The following TSHR variants were observed in gnomAD, a reference collection of about 807,000 sequenced individuals.
TSHR encodes thyroid stimulating hormone receptor.
TSHR carries 51 observed loss-of-function variants against 64.1 expected under a neutral mutation model. The ratio of observed to expected loss-of-function variants is 0.80; its 90% confidence interval spans 0.64 to 1.01. The LOEUF (loss-of-function observed/expected upper bound fraction) is 1.01. Among genes scored for constraint, TSHR ranks in the 50% least tolerant of loss-of-function variants. The pLI, the probability that TSHR is intolerant of heterozygous loss-of-function variation, is 0.00. For synonymous variants in TSHR, 361 were observed against 361.9 expected (o/e 1.00, Z 0.03); for missense variants, 877 against 942.8 (o/e 0.93, Z 0.91).
intron 8 of TSHR, among the ~76,000 whole-genome samples, chr14:81,134,300 G>C (rs1161041078): frequency 6.6e-6 from 1 of 151,840 alleles, no homozygotes; most frequent in Non-Finnish European, 1.5e-5. Context: ...ACCATGCCCG[G>C]CTAATTTTGA....
intron 7 of TSHR, chr14:81,102,942 A>AT: frequency 1.0e-6 from 1 of 985,356 alleles, no homozygotes; most frequent in Non-Finnish European, 1.2e-6. Flanking sequence ...TTTAATCAGT[A>AT]TTTTGAATCC....
At chr14:80,987,034 T>C (rs556092355) in intron 1 of TSHR, among the ~76,000 whole-genome samples, 9 of 152,244 alleles carry the variant, frequency 5.9e-5, no homozygotes, top group African/African-American at 2.2e-4. Context: ...CCAACATTCA[T>C]GCACTATCGA....
chr14:81,037,329 GAA>G (rs143326671), intron 1 of TSHR, among the ~76,000 whole-genome samples: 40 of 135,514 alleles, frequency 3.0e-4, no homozygotes, highest in Non-Finnish European at 5.6e-4. Context: ...CAATGAAAAA[GAA>G]AAAAAAAATC....
Position 80,961,116 on chromosome 14 carries a change from T to G in TSHR, c.170+5266T>G, listed in dbSNP as rs191432915. ...ACGCAGAACTGGGTCCTTCTAATAT[T>G]CCACACAACAGGGGATTCCCCACTG... On this transcript the variant is annotated intron_variant, in intron 1 of 9. Transcript: ENST00000298171. 1.5e-4 allele frequency among the ~76,000 whole-genome samples: 23 copies of G among 152,324 alleles called. No homozygotes were observed. The East Asian group carries it at 3.9e-3, about 26-fold the overall frequency.
intron 1 of TSHR, among the ~76,000 whole-genome samples, chr14:81,002,736 T>C (rs1388220419): frequency 6.7e-6 from 1 of 148,486 alleles, no homozygotes; most frequent in Admixed American, 6.7e-5. Flanking sequence ...GCTATCCTAT[T>C]TCTCAACTCC....
At chr14:81,105,888 T>C (rs1486143170) in intron 7 of TSHR, among the ~76,000 whole-genome samples, 1 of 152,172 alleles carries the variant, frequency 6.6e-6, no homozygotes, top group African/African-American at 2.4e-5. Flanking sequence ...TGCAAGCCAG[T>C]GCAGCCCTTG....
At position 81,130,717 on chromosome 14, in the gene TSHR, C is replaced by T. The variant is rs1366332472; in HGVS notation, c.693-8962C>T. 4.4e-5 allele frequency among the ~76,000 whole-genome samples: 4 copies of T among 90,970 alleles called. No individual in the cohort carries two copies. The East Asian group carries it at 1.4e-3, about 31-fold the overall frequency. The allele number at this position is 90,970 out of a possible 152,430, so 59.7% of individuals were successfully genotyped here. A position where few individuals can be genotyped will look rare whatever the true frequency, so the allele number is the denominator to read the frequency against. ...CTTATAAAACACTGCTTGGGCCGGG[C>T]GCGGTGGCTCACGCCTGTAATCCCA... On this transcript the variant is annotated intron_variant, in intron 8 of 9. Coordinates refer to ENST00000298171, the MANE Select transcript of TSHR (RefSeq NM_000369.5).
chr14:81,090,456 G>C (rs1160677533), intron 4 of TSHR, among the ~76,000 whole-genome samples: 1 of 152,196 alleles, frequency 6.6e-6, no homozygotes, highest in African/African-American at 2.4e-5. Flanking sequence ...TGTTAGGCTA[G>C]TCTTGAATTC....
At chr14:80,971,884 T>C (rs1452135269) in intron 1 of TSHR, among the ~76,000 whole-genome samples, 1 of 150,378 alleles carries the variant, frequency 6.6e-6, no homozygotes, top group African/African-American at 2.4e-5. Context: ...TGTAGTGGTA[T>C]ACACTTTCCC....
chr14:80,984,138 G>A (rs1888317586), intron 1 of TSHR, among the ~76,000 whole-genome samples: 1 of 152,094 alleles, frequency 6.6e-6, no homozygotes, highest in African/African-American at 2.4e-5. Context: ...AGGAGGCAGG[G>A]GTTGCTATAG....
At chr14:81,076,061 C>T (rs573053674) in intron 3 of TSHR, among the ~76,000 whole-genome samples, 146 of 152,154 alleles carry the variant, frequency 9.6e-4, no homozygotes, top group Middle Eastern at 3.4e-3. Context: ...AACCAAACAC[C>T]GCATATTCTC....
intron 1 of TSHR, among the ~76,000 whole-genome samples, chr14:81,036,480 C>G (rs1444214341): frequency 6.6e-6 from 1 of 152,016 alleles, no homozygotes; most frequent in East Asian, 1.9e-4. Flanking sequence ...AACTGTCTAC[C>G]TAGAATACTA....
intron 1 of TSHR, among the ~76,000 whole-genome samples, chr14:81,055,304 C>A (rs556338662): frequency 2.0e-5 from 3 of 152,312 alleles, no homozygotes; most frequent in South Asian, 2.1e-4. Flanking sequence ...GATGTCCAGG[C>A]AGAAGTTTGC....
rs769742747 is a variant in TSHR at position 81,144,583 on chromosome 14, A to C, written c.*230A>C. ...ACCAGCATATTTGAATGCCAGGTGA[A>C]ATCAAAATAATCTACACTATCTAGA... On this transcript the variant is annotated 3_prime_UTR_variant, in exon 10 of 10. Transcript: ENST00000298171. 25 of 584,290 alleles carry C rather than the reference A, an allele frequency of 4.3e-5. No individual in the cohort carries two copies. The highest frequency in any genetic ancestry group is 7.3e-5 in the Non-Finnish European group (24 of 329,498). 36.2% of individuals were successfully genotyped at this position (584,290 alleles called of 1,614,324 possible). A position where few individuals can be genotyped will look rare whatever the true frequency, so the allele number is the denominator to read the frequency against.
chr14:80,975,204 T>G (rs1180164291), intron 1 of TSHR, among the ~76,000 whole-genome samples: 2 of 152,196 alleles, frequency 1.3e-5, no homozygotes, highest in South Asian at 2.1e-4. Flanking sequence ...TTGTCACATA[T>G]TTTGAAGAAC....
intron 1 of TSHR, among the ~76,000 whole-genome samples, chr14:80,979,848 TC>T (rs970157172): frequency 2.6e-5 from 4 of 152,202 alleles, no homozygotes; most frequent in African/African-American, 9.6e-5. Context: ...AACATTTTTT[TC>T]CACCTGAATG....
chr14:81,047,627 G>A (rs1885228309), intron 1 of TSHR, among the ~76,000 whole-genome samples: 1 of 150,244 alleles, frequency 6.7e-6, no homozygotes, highest in African/African-American at 2.4e-5. Flanking sequence ...CTCCTTTCCA[G>A]AACACTGGAC....
chr14:81,040,726 C>A (rs1048198321), intron 1 of TSHR, among the ~76,000 whole-genome samples: 1 of 152,130 alleles, frequency 6.6e-6, no homozygotes, highest in African/African-American at 2.4e-5. Flanking sequence ...AGTAAACAGA[C>A]AACCTACAGA....
At chr14:80,996,607 A>C (rs1841983146) in intron 1 of TSHR, among the ~76,000 whole-genome samples, 1 of 152,114 alleles carries the variant, frequency 6.6e-6, no homozygotes, top group Non-Finnish European at 1.5e-5. Context: ...ACTGGCAAGA[A>C]GCACTGTTCG....
Sources: allele counts gnomAD v4.1 joint callset (sites outside exome capture counted in the v4.1 genomes callset), GRCh38; gene constraint gnomAD v4.1.1; transcripts MANE v1.5; gene names NCBI Gene and HGNC (gene_info 2026-07-23, HGNC 2026-07-21).